Variants in UACA observed in about 807,000 individuals in gnomAD.
The protein encoded by UACA is uveal autoantigen with coiled-coil domains and ankyrin repeats, also known as nuclear membrane binding protein.
UACA carries 112 observed loss-of-function variants against 160.5 expected under a neutral mutation model. The ratio of observed to expected loss-of-function variants is 0.70; its 90% confidence interval spans 0.60 to 0.82. The LOEUF (loss-of-function observed/expected upper bound fraction) is 0.82, where lower values mean the gene tolerates loss of function less well. Among genes scored for constraint, UACA ranks in the 40% least tolerant of loss-of-function variants. UACA has a pLI of 0.00. For synonymous variants in UACA, 557 were observed against 568.4 expected (o/e 0.98, Z 0.29); for missense variants, 1,574 against 1,614.6 (o/e 0.97, Z 0.43).
intron 3 of UACA, 97 bp from the exon 4 acceptor site, chr15:70,691,460 G>A: frequency 1.2e-6 from 1 of 829,296 alleles, no homozygotes; most frequent in South Asian, 1.8e-5. Context: ...AAAACTAGTT[G>A]ACAACATACT....
At chr15:70,770,769 T>C in the UACA span, among the ~76,000 whole-genome samples, 1 of 152,332 alleles carries the variant, frequency 6.6e-6, no homozygotes, top group African/African-American at 2.4e-5. Context: ...AAAAGGCATA[T>C]TTCTTCTACT....
At chr15:70,716,015 A>G (rs1231744274) in intron 1 of UACA, among the ~76,000 whole-genome samples, 2 of 152,198 alleles carry the variant, frequency 1.3e-5, no homozygotes, top group African/African-American at 4.8e-5. Context: ...TTTCACTGCT[A>G]TAAGCCCAGC....
At chr15:70,660,094 A>G in intron 18 of UACA, 57 bp downstream of exon 18, 1 of 1,409,932 alleles carries the variant, frequency 7.1e-7, no homozygotes. Context: ...TTATTTGAAA[A>G]TAAAAAATTA....
chr15:70,755,309 T>C, intron 1 of UACA, among the ~76,000 whole-genome samples: 1 of 151,974 alleles, frequency 6.6e-6, no homozygotes, highest in Admixed American at 6.5e-5. Context: ...TCATGACTAG[T>C]CAGTTCTCTC....
At chr15:70,726,541 C>T (rs1217160615) in intron 1 of UACA, among the ~76,000 whole-genome samples, 1 of 152,116 alleles carries the variant, frequency 6.6e-6, no homozygotes, top group East Asian at 1.9e-4. Context: ...TTTGGCTTTA[C>T]TTTTTCTTCT....
chr15:70,769,256 G>A, the UACA span, among the ~76,000 whole-genome samples: 8 of 145,720 alleles, frequency 5.5e-5, no homozygotes, highest in Admixed American at 4.3e-4. Flanking sequence ...GGAGAATGGC[G>A]TGAACCCAGG....
Position 70,669,406 on chromosome 15 carries a change from C to T in UACA, c.1278G>A (p.Leu426=), listed in dbSNP as rs1321769231. 1 of 1,612,914 alleles carries T rather than the reference C, an allele frequency of 6.2e-7. No homozygotes were observed. Among genetic ancestry groups the T allele is most frequent in the Admixed American group, 1.7e-5 (1 of 59,876 alleles). ...ACGTTTGACTGGGTAAAGATAGTTC[C>T]AGAGGTCTTAACATAGATCTGCTTT... ...HMQSRSMLRP[L]ELSLPSQTSY... The change falls in exon 16 of 19, where the codon CTG becomes CTA. Residue 426 remains leucine (L), a synonymous_variant. Transcript: ENST00000322954.
chr15:70,693,671 T>C (rs1361972613), intron 3 of UACA, among the ~76,000 whole-genome samples: 1 of 151,912 alleles, frequency 6.6e-6, no homozygotes, highest in Admixed American at 6.6e-5. Context: ...CATTTGAGCT[T>C]GATCTGCAAA....
Position 70,666,777 on chromosome 15 carries a change from ACT to A in UACA, c.3905_3906del (p.Glu1302ValfsTer10). 1 of 1,609,516 alleles carries A rather than the reference ACT, an allele frequency of 6.2e-7. No individual in the cohort carries two copies. The highest frequency in any genetic ancestry group is 8.5e-7 in the Non-Finnish European group (1 of 1,178,942). ...GCAGATTCTTGTATTCTTCTTTGTA[ACT>A]CTGTGATTGTTGTTAAGGACTTATC... ...RCDKSLTTITELQRRIQESAK... is the reference protein window; with the variant it reads ...RCDKSLTTITXLQRRIQESAK... On this transcript the variant is annotated frameshift_variant, in exon 16 of 19. Transcript: ENST00000322954. LOFTEE classifies it high-confidence loss of function.
intron 1 of UACA, among the ~76,000 whole-genome samples, chr15:70,761,851 A>T (rs2030780467): frequency 6.6e-6 from 1 of 152,214 alleles, no homozygotes; most frequent in South Asian, 2.1e-4. Flanking sequence ...AGAAAACTGG[A>T]TAAAATTAAG....
chr15:70,735,822 T>G (rs1047322780), intron 1 of UACA, among the ~76,000 whole-genome samples: 6 of 151,846 alleles, frequency 4.0e-5, no homozygotes, highest in African/African-American at 1.5e-4. Flanking sequence ...ACTACAGGTG[T>G]AAGACACCAA....
At chr15:70,701,295 T>G (rs1032203682) in intron 1 of UACA, among the ~76,000 whole-genome samples, 1 of 152,166 alleles carries the variant, frequency 6.6e-6, no homozygotes, top group Non-Finnish European at 1.5e-5. Flanking sequence ...CGCATCACCT[T>G]TCTTAAGCTT....
At chr15:70,737,576 C>T (rs775675605) in intron 1 of UACA, among the ~76,000 whole-genome samples, 18 of 152,110 alleles carry the variant, frequency 1.2e-4, no homozygotes, top group Non-Finnish European at 2.2e-4. Context: ...GGCATGGTGA[C>T]GGGCACCTGT....
Position 70,655,403 on chromosome 15 carries a change from T to C in UACA, c.*1653A>G, listed in dbSNP as rs1482271067. The C allele has an allele frequency of 2.0e-5, 3 of 152,168 alleles. No individual in the cohort carries two copies. Among genetic ancestry groups the C allele is most frequent in the Non-Finnish European group, 2.9e-5 (2 of 68,044 alleles). 9.4% of individuals were successfully genotyped at this position (152,168 alleles called of 1,614,324 possible). A position where few individuals can be genotyped will look rare whatever the true frequency, so the allele number is the denominator to read the frequency against. On this transcript the variant is annotated 3_prime_UTR_variant, in exon 19 of 19. Coordinates refer to ENST00000322954, the MANE Select transcript of UACA (RefSeq NM_018003.4). ...CCACCATGCAGGGCTAATTTTTGTATTTTTAGTAGAGATGGGGCTTCACCA... is the reference window on the plus strand; with the variant it reads ...CCACCATGCAGGGCTAATTTTTGTACTTTTAGTAGAGATGGGGCTTCACCA...
Position 70,668,521 on chromosome 15 carries a change from T to C in UACA, c.2163A>G (p.Lys721=), listed in dbSNP as rs1897017826. The part of the protein sequence containing the change: ...KNQTLQKEIE[K]VYLDNKLLKE... ...TGAGGAGCTTATTATCCAAATAAAC[T>C]TTTTCAATTTCCTTTTGTAGTGTCT... Residue 721 remains lysine, a synonymous_variant, in exon 16 of 19, where the codon AAA becomes AAG. Coordinates refer to ENST00000322954, the MANE Select transcript of UACA (RefSeq NM_018003.4). 2 of 1,610,018 alleles carry C rather than the reference T, an allele frequency of 1.2e-6. No homozygotes were observed.
chr15:70,753,825 A>C (rs1254658218), intron 1 of UACA, among the ~76,000 whole-genome samples: 1 of 152,166 alleles, frequency 6.6e-6, no homozygotes, highest in African/African-American at 2.4e-5. Context: ...GTTGCTGTTG[A>C]GACAGAGCCT....
intron 5 of UACA, among the ~76,000 whole-genome samples, chr15:70,689,382 C>A (rs1346933366): frequency 6.6e-6 from 1 of 151,926 alleles, no homozygotes; most frequent in Non-Finnish European, 1.5e-5. Flanking sequence ...TCAAGTTGTA[C>A]CAGTTTTTAA....
At position 70,656,272 on chromosome 15, in the gene UACA, G is replaced by C. The variant is rs908888891; in HGVS notation, c.*784C>G. 1 of 151,978 alleles carries C rather than the reference G, an allele frequency of 6.6e-6. No homozygotes were observed. The highest frequency in any genetic ancestry group is 6.6e-5 in the Admixed American group (1 of 15,258). 9.4% of individuals were successfully genotyped at this position (151,978 alleles called of 1,614,324 possible). The stretch of plus-strand genomic sequence containing the variant: ...AATGTCAAACTAATTGCTAAAAAAA[G>C]TCTAAAGGTTTTCACACTTTGAAAA... On this transcript the variant is annotated 3_prime_UTR_variant, in exon 19 of 19. Transcript: ENST00000322954.
At chr15:70,685,475 G>A (rs1184572765) in intron 7 of UACA, among the ~76,000 whole-genome samples, 1 of 151,972 alleles carries the variant, frequency 6.6e-6, no homozygotes, top group East Asian at 1.9e-4. Flanking sequence ...CAACTCCCCT[G>A]TAGTTGCTGA....
Sources: gnomAD v4.1 joint callset for allele counts (sites outside exome capture counted in the v4.1 genomes callset) on GRCh38, gnomAD v4.1.1 for gene constraint, MANE v1.5 for transcripts, NCBI Gene and HGNC (gene_info 2026-07-23, HGNC 2026-07-21) for gene names.